STK32A: variants seen among roughly 807,000 people sequenced by gnomAD.
STK32A encodes the protein serine/threonine kinase 32A.
Under a neutral mutation model 53.2 loss-of-function variants are expected in STK32A, and 41 were observed. That is an observed-to-expected ratio of 0.77 (90% confidence interval 0.60 to 1.00). The LOEUF (loss-of-function observed/expected upper bound fraction) is 1.00, where lower values mean the gene tolerates loss of function less well. Among genes scored for constraint, STK32A ranks in the 50% least tolerant of loss-of-function variants. The pLI, the probability that STK32A is intolerant of heterozygous loss-of-function variation, is 0.00. For missense variants in STK32A, 458 were observed against 485.8 expected, an observed-to-expected ratio of 0.94 and a Z score of 0.54; for synonymous variants, 166 against 162.8, an observed-to-expected ratio of 1.02 and a Z score of -0.15.
At chr5:147,364,947 A>C (rs781337249) in intron 8 of STK32A, among the ~76,000 whole-genome samples, 1 of 152,210 alleles carries the variant, frequency 6.6e-6, no homozygotes, top group Non-Finnish European at 1.5e-5. Flanking sequence ...AAGACCAAAG[A>C]GTTGAAGACC....
intron 8 of STK32A, among the ~76,000 whole-genome samples, chr5:147,363,772 C>CT (rs1217569718): frequency 1.3e-5 from 2 of 152,174 alleles, no homozygotes; most frequent in Non-Finnish European, 2.9e-5. Context: ...TCAGAACAGG[C>CT]TTGCTCATTT....
chr5:147,260,324 G>A (rs979743775), intron 2 of STK32A, among the ~76,000 whole-genome samples: 4 of 124,574 alleles, frequency 3.2e-5, no homozygotes, highest in Non-Finnish European at 6.5e-5. Flanking sequence ...TCTCTTCTCC[G>A]TCTCTATCTG....
chr5:147,346,915 G>A (rs1755719869), intron 6 of STK32A, among the ~76,000 whole-genome samples: 1 of 152,172 alleles, frequency 6.6e-6, no homozygotes, highest in Admixed American at 6.5e-5. Context: ...AGAAAAAACT[G>A]AGGCTGCCAT....
the STK32A span, chr5:147,400,716 C>A: frequency 6.2e-7 from 1 of 1,614,134 alleles, no homozygotes; most frequent in Non-Finnish European, 8.5e-7. Flanking sequence ...AGATGACAGA[C>A]ATCCGCTCCT....
At chr5:147,305,502 T>C (rs1753362250) in intron 4 of STK32A, among the ~76,000 whole-genome samples, 1 of 152,170 alleles carries the variant, frequency 6.6e-6, no homozygotes, top group South Asian at 2.1e-4. Flanking sequence ...GCTGGGTTTC[T>C]CCGGGACCCT....
intron 11 of STK32A, among the ~76,000 whole-genome samples, chr5:147,382,720 G>A (rs1444513314): frequency 1.3e-5 from 2 of 152,098 alleles, no homozygotes; most frequent in Non-Finnish European, 2.9e-5. Context: ...GTCATGTGCA[G>A]TCACTTTCTA....
chr5:147,338,714 G>A (rs1755260260), intron 5 of STK32A, among the ~76,000 whole-genome samples: 1 of 152,188 alleles, frequency 6.6e-6, no homozygotes, highest in South Asian at 2.1e-4. Flanking sequence ...AGGAACTAGA[G>A]CAAAAGTGAT....
intron 2 of STK32A, among the ~76,000 whole-genome samples, chr5:147,244,521 A>T (rs56341419): frequency 0.015 from 2,293 of 152,272 alleles, 58 homozygotes; most frequent in African/African-American, 0.052. Context: ...GGGCTAGAGT[A>T]TTGGAAAGGC....
intron 7 of STK32A, among the ~76,000 whole-genome samples, chr5:147,352,842 G>C (rs902663863): frequency 1.3e-5 from 2 of 152,088 alleles, no homozygotes; most frequent in Admixed American, 1.3e-4. Flanking sequence ...ATTTGTCTTG[G>C]GGAGAAGGGA....
At chr5:147,363,472 C>T (rs1338771535) in intron 8 of STK32A, among the ~76,000 whole-genome samples, 2 of 152,164 alleles carry the variant, frequency 1.3e-5, no homozygotes, top group African/African-American at 2.4e-5. Flanking sequence ...CCCTTCGAAA[C>T]AGAGGTGGAG....
intron 2 of STK32A, among the ~76,000 whole-genome samples, chr5:147,260,201 C>CTGTCT (rs1427293489): frequency 9.6e-4 from 51 of 53,114 alleles, no homozygotes; most frequent in African/African-American, 4.4e-3. Context: ...CTCTCTCTCT[C>CTGTCT]CTCTCTCTCT....
intron 7 of STK32A, among the ~76,000 whole-genome samples, chr5:147,361,162 C>T (rs1482275975): frequency 6.6e-6 from 1 of 152,206 alleles, no homozygotes; most frequent in Non-Finnish European, 1.5e-5. Context: ...TTAGTTGAAA[C>T]CTTCCCAATC....
chr5:147,260,464 A>G (rs1754507855), intron 2 of STK32A, among the ~76,000 whole-genome samples: 1 of 151,974 alleles, frequency 6.6e-6, no homozygotes, highest in African/African-American at 2.4e-5. Context: ...TCCCCCAAGA[A>G]GAAAGGGGGG....
intron 2 of STK32A, among the ~76,000 whole-genome samples, chr5:147,247,844 G>A (rs886075169): frequency 3.3e-5 from 5 of 151,962 alleles, no homozygotes; most frequent in South Asian, 2.1e-4. Context: ...AAAATTGGCC[G>A]GGCATGGTGG....
chr5:147,267,182 C>T (rs944572689), intron 2 of STK32A, among the ~76,000 whole-genome samples: 1 of 152,170 alleles, frequency 6.6e-6, no homozygotes, highest in African/African-American at 2.4e-5. Context: ...TTTGATATGG[C>T]TTATTTTACC....
chr5:147,279,160 A>G, intron 3 of STK32A, 87 bp from the exon 4 acceptor site: 1 of 1,294,822 alleles, frequency 7.7e-7, no homozygotes, highest in Non-Finnish European at 1.0e-6. Flanking sequence ...GATCCAAGCC[A>G]CAGCAAAGAA....
intron 4 of STK32A, among the ~76,000 whole-genome samples, chr5:147,305,336 C>T (rs1753350967): frequency 6.6e-6 from 1 of 152,144 alleles, no homozygotes; most frequent in African/African-American, 2.4e-5. Context: ...AGGCCAGGCT[C>T]CTCCCCCTGC....
chr5:147,392,255 G>A (rs992865958), downstream of STK32A: 5 of 152,184 alleles, frequency 3.3e-5, no homozygotes, highest in Non-Finnish European at 7.3e-5. Context: ...CTTTAAAATA[G>A]CAAGCTTCCC....
At chr5:147,343,118 A>T (rs1755519504) in intron 6 of STK32A, 75 bp downstream of exon 6, 1 of 1,474,958 alleles carries the variant, frequency 6.8e-7, no homozygotes, top group Non-Finnish European at 9.5e-7. Context: ...GCAGAGGGGT[A>T]TTACACATGA....
Sources: gnomAD v4.1 joint callset for allele counts (sites outside exome capture counted in the v4.1 genomes callset) on GRCh38, gnomAD v4.1.1 for gene constraint, MANE v1.5 for transcripts, NCBI Gene and HGNC (gene_info 2026-07-23, HGNC 2026-07-21) for gene names.